The following LRTM3 variants were observed in gnomAD, a reference collection of about 807,000 sequenced individuals.
The protein encoded by LRTM3 is leucine-rich repeat transmembrane protein 3.
At chr13:102,754,872 T>G in the LRTM3 span, among the ~76,000 whole-genome samples, 3 of 152,128 alleles carry the variant, frequency 2.0e-5, no homozygotes, top group African/African-American at 7.2e-5. Flanking sequence ...TAGTAACAAA[T>G]AAACAGAGTC....
the LRTM3 span, among the ~76,000 whole-genome samples, chr13:102,756,408 C>T: frequency 5.9e-5 from 9 of 151,494 alleles, no homozygotes; most frequent in African/African-American, 2.2e-4. Context: ...TGCAGTGGCT[C>T]ACGACTGTAA....
At chr13:102,742,264 T>C in the LRTM3 span, 2 of 1,550,348 alleles carry the variant, frequency 1.3e-6, no homozygotes, top group South Asian at 1.2e-5. Context: ...GGGAAACTGT[T>C]ATTCTTTTTG....
chr13:102,748,151 A>G, the LRTM3 span: 1 of 1,551,050 alleles, frequency 6.4e-7, no homozygotes, highest in Non-Finnish European at 8.7e-7. Context: ...TAGTTGAGAA[A>G]TGGTAGTGTA....
At chr13:102,748,534 A>G in the LRTM3 span, 7 of 1,550,664 alleles carry the variant, frequency 4.5e-6, no homozygotes, top group Non-Finnish European at 6.1e-6. Flanking sequence ...AATTTTCTGA[A>G]CTTTGTAGGT....
At chr13:102,744,106 C>T in the LRTM3 span, 3 of 1,550,610 alleles carry the variant, frequency 1.9e-6, no homozygotes, top group Non-Finnish European at 2.6e-6. Context: ...TACTTGTGTA[C>T]CATTGCTTCC....
chr13:102,735,879 G>A, the LRTM3 span: 1 of 1,539,812 alleles, frequency 6.5e-7, no homozygotes, highest in Non-Finnish European at 8.8e-7. Flanking sequence ...GATTTCCTCG[G>A]AACCACTCCA....
chr13:102,739,506 G>A, the LRTM3 span: 1 of 1,550,324 alleles, frequency 6.5e-7, no homozygotes, highest in Admixed American at 2.0e-5. Flanking sequence ...CTATGTGATA[G>A]AGATGGTAAA....
chr13:102,754,158 T>C, the LRTM3 span, among the ~76,000 whole-genome samples: 1 of 146,792 alleles, frequency 6.8e-6, no homozygotes, highest in East Asian at 2.0e-4. Flanking sequence ...TGAGCCGAGA[T>C]TGTGCCATTG....
At chr13:102,752,248 G>A in the LRTM3 span, among the ~76,000 whole-genome samples, 3 of 152,170 alleles carry the variant, frequency 2.0e-5, no homozygotes, top group Non-Finnish European at 4.4e-5. Context: ...GAGTTCCATG[G>A]AGAGGAATGA....
the LRTM3 span, chr13:102,737,605 T>A: frequency 1.3e-6 from 2 of 1,550,942 alleles, no homozygotes; most frequent in Non-Finnish European, 8.7e-7. Context: ...TCTGTGAAAG[T>A]GCCTTCTTTC....
the LRTM3 span, chr13:102,734,851 T>C: frequency 1.9e-6 from 3 of 1,551,078 alleles, no homozygotes. Context: ...GTTTGGGGAA[T>C]ATTAAGATGC....
chr13:102,740,363 G>T, the LRTM3 span: 1 of 1,550,084 alleles, frequency 6.5e-7, no homozygotes, highest in Admixed American at 2.0e-5. Context: ...TAGCTGATCT[G>T]CAGAAAACAA....
the LRTM3 span, chr13:102,732,205 T>C: frequency 6.4e-7 from 1 of 1,551,396 alleles, no homozygotes; most frequent in East Asian, 2.4e-5. Flanking sequence ...TCTTTTCTCT[T>C]TCTAGGTTTG....
the LRTM3 span, chr13:102,741,233 T>C: frequency 6.5e-7 from 1 of 1,550,290 alleles, no homozygotes; most frequent in Admixed American, 2.0e-5. Context: ...CTTTGATTGC[T>C]CTTTTCCCCA....
At chr13:102,753,091 A>T in the LRTM3 span, among the ~76,000 whole-genome samples, 1 of 152,202 alleles carries the variant, frequency 6.6e-6, no homozygotes, top group Non-Finnish European at 1.5e-5. Context: ...TCAATGATAG[A>T]CTGGATAAAG....
chr13:102,746,421 A>T, the LRTM3 span: 1 of 1,551,024 alleles, frequency 6.4e-7, no homozygotes, highest in African/African-American at 1.4e-5. Context: ...GGGAGACAGA[A>T]CTCTCTCTGC....
the LRTM3 span, chr13:102,730,889 A>C: frequency 6.4e-7 from 1 of 1,551,372 alleles, no homozygotes; most frequent in South Asian, 1.2e-5. Flanking sequence ...AGAAAGTAAC[A>C]AAATTCTGTT....
the LRTM3 span, among the ~76,000 whole-genome samples, chr13:102,752,672 C>G: frequency 6.6e-6 from 1 of 152,174 alleles, no homozygotes; most frequent in Admixed American, 6.5e-5. Context: ...TTATTAACCT[C>G]TAATATATAG....
chr13:102,739,639 T>C, the LRTM3 span: 10 of 1,550,402 alleles, frequency 6.4e-6, no homozygotes, highest in African/African-American at 6.9e-5. Context: ...GTGACAGTGA[T>C]GACTTCCTTG....
Sources: gnomAD v4.1 joint callset for allele counts (sites outside exome capture counted in the v4.1 genomes callset) on GRCh38, gnomAD v4.1.1 for gene constraint, MANE v1.5 for transcripts, NCBI Gene and HGNC (gene_info 2026-07-23, HGNC 2026-07-21) for gene names.